Variants in AAMDC observed in about 807,000 individuals in gnomAD.
AAMDC encodes adipogenesis associated Mth938 domain containing.
In AAMDC, 16 loss-of-function variants were observed where a neutral mutation model predicts 15.5. The observed-to-expected ratio is 1.03, with a 90% CI of 0.70 to 1.57. The LOEUF (loss-of-function observed/expected upper bound fraction) is 1.57. Ranked by LOEUF, AAMDC falls within the 40% of genes most tolerant of loss-of-function variation. The pLI, the probability that AAMDC is intolerant of heterozygous loss-of-function variation, is 0.00. For missense variants in AAMDC, 141 were observed against 144.9 expected (o/e 0.97, Z 0.14); for synonymous variants, 51 against 51.6 (o/e 0.99, Z 0.05).
intron 5 of AAMDC, among the ~76,000 whole-genome samples, chr11:77,880,330 G>A (rs955498530): frequency 2.6e-5 from 4 of 152,128 alleles, no homozygotes; most frequent in African/African-American, 9.7e-5. Context: ...CTGGATTGCT[G>A]TCCTCCAGGA....
chr11:77,860,045 A>C (rs1391248082), intron 2 of AAMDC, among the ~76,000 whole-genome samples: 1 of 152,180 alleles, frequency 6.6e-6, no homozygotes, highest in African/African-American at 2.4e-5. Context: ...TTGCCACTAC[A>C]TCAGTTTTCT....
At chr11:77,877,903 A>G (rs928728076) in intron 5 of AAMDC, among the ~76,000 whole-genome samples, 2 of 152,138 alleles carry the variant, frequency 1.3e-5, no homozygotes, top group East Asian at 3.9e-4. Flanking sequence ...AAAACTTTTA[A>G]CTCACATGCA....
downstream of AAMDC, among the ~76,000 whole-genome samples, chr11:77,874,395 A>T (rs189553045): frequency 9.3e-5 from 14 of 150,468 alleles, no homozygotes; most frequent in East Asian, 2.7e-3. Flanking sequence ...TTTTGGTCAA[A>T]TGTAAGGTGA....
intron 5 of AAMDC, chr11:77,879,066 T>A: frequency 6.2e-7 from 1 of 1,614,162 alleles, no homozygotes; most frequent in Non-Finnish European, 8.5e-7. Context: ...TCCAGGGGCA[T>A]TTTGGAATGC....
At chr11:77,853,992 TC>T (rs1950505792) in intron 2 of AAMDC, among the ~76,000 whole-genome samples, 1 of 56,946 alleles carries the variant, frequency 1.8e-5, no homozygotes, top group South Asian at 8.2e-4. Flanking sequence ...TCCTCCAAAT[TC>T]TTTTTTTTTT....
At chr11:77,826,672 C>G (rs865961275) in intron 1 of AAMDC, among the ~76,000 whole-genome samples, 12 of 152,204 alleles carry the variant, frequency 7.9e-5, no homozygotes, top group African/African-American at 2.7e-4. Flanking sequence ...ACCTTTGAAA[C>G]AGACACACCA....
At chr11:77,828,762 G>A (rs1045808184) in intron 1 of AAMDC, among the ~76,000 whole-genome samples, 1 of 152,028 alleles carries the variant, frequency 6.6e-6, no homozygotes, top group African/African-American at 2.4e-5. Context: ...TTCATGGATT[G>A]GAAGATTTAA....
At chr11:77,877,143 G>C (rs1187537024), downstream of AAMDC, 5 of 653,972 alleles carry the variant, frequency 7.6e-6, no homozygotes, top group Non-Finnish European at 1.4e-5. Context: ...AGACTGCCTG[G>C]AAATAGACTG....
chr11:77,845,427 C>A (rs1177605013), intron 2 of AAMDC, among the ~76,000 whole-genome samples: 1 of 148,696 alleles, frequency 6.7e-6, no homozygotes, highest in Admixed American at 6.8e-5. Flanking sequence ...ATTTCTTTTT[C>A]TTTTCTTTTT....
intron 5 of AAMDC, chr11:77,894,455 T>A (rs1793336): frequency 3.3e-6 from 2 of 602,100 alleles, no homozygotes; most frequent in Non-Finnish European, 5.9e-6. Context: ...TAGCATATTA[T>A]ACTATAAAAA....
At chr11:77,896,698 A>C (rs1193170021) in intron 5 of AAMDC, among the ~76,000 whole-genome samples, 1 of 151,904 alleles carries the variant, frequency 6.6e-6, no homozygotes, top group Admixed American at 6.6e-5. Context: ...GAATAGAAAA[A>C]CAAAGAAATT....
chr11:77,871,487 C>T (rs934742495), intron 3 of AAMDC, among the ~76,000 whole-genome samples: 13 of 152,104 alleles, frequency 8.5e-5, no homozygotes, highest in East Asian at 1.9e-4. Context: ...TAATAATAAA[C>T]GCAGTGAGGA....
chr11:77,838,771 T>C (rs895799635), intron 1 of AAMDC, among the ~76,000 whole-genome samples: 8 of 151,860 alleles, frequency 5.3e-5, no homozygotes, highest in Non-Finnish European at 1.0e-4. Flanking sequence ...CGCCCACCAC[T>C]GCGCCCAGCT....
At chr11:77,831,635 G>A (rs1298059299) in intron 1 of AAMDC, among the ~76,000 whole-genome samples, 1 of 151,168 alleles carries the variant, frequency 6.6e-6, no homozygotes, top group Non-Finnish European at 1.5e-5. Flanking sequence ...CTTACTATGG[G>A]ATGTAATTTC....
Position 77,852,785 on chromosome 11 carries a change from T to C in AAMDC, c.132+10157T>C, listed in dbSNP as rs192834025. Among the ~76,000 whole-genome samples, 1,171 of 152,264 alleles carry C rather than the reference T, an allele frequency of 7.7e-3. 13 individuals carry two copies. The highest frequency in any genetic ancestry group is 0.026 in the African/African-American group (1,079 of 41,566). On this transcript the variant is annotated intron_variant, in intron 2 of 3. Transcript: ENST00000393427. Reference sequence around the variant, plus strand: ...TTTTTTCTTTTTTTCCCATTTTCCATACGCAAAAGGTAGCATGCCTTACTT... The same window carrying C: ...TTTTTTCTTTTTTTCCCATTTTCCACACGCAAAAGGTAGCATGCCTTACTT...
chr11:77,832,318 C>T (rs530841724), intron 1 of AAMDC, among the ~76,000 whole-genome samples: 5 of 131,254 alleles, frequency 3.8e-5, no homozygotes, highest in African/African-American at 1.6e-4. Context: ...TGAAACTTCA[C>T]AAATAGAGGA....
intron 2 of AAMDC, among the ~76,000 whole-genome samples, chr11:77,854,955 G>A (rs1435487956): frequency 6.6e-6 from 1 of 152,192 alleles, no homozygotes; most frequent in Admixed American, 6.5e-5. Flanking sequence ...AGCCTCAATT[G>A]TCACACTCTG....
Position 77,869,832 on chromosome 11 carries a change from G to T in AAMDC, c.228+15G>T. 6.2e-7 allele frequency: 1 copy of T among 1,610,610 alleles called. No individual in the cohort carries two copies. Among genetic ancestry groups the T allele is most frequent in the Non-Finnish European group, 8.5e-7 (1 of 1,177,140 alleles). ...AGGCCTTGAAGGTAGGTGTTGGTAT[G>T]CACAGCATTCCTGAGGACAGGTGGG... On this transcript the variant is annotated intron_variant, in intron 3 of 3. Coordinates refer to ENST00000393427, the MANE Select transcript of AAMDC (RefSeq NM_024684.4).
chr11:77,831,259 A>G (rs1055068348), intron 1 of AAMDC, among the ~76,000 whole-genome samples: 6 of 152,230 alleles, frequency 3.9e-5, no homozygotes, highest in African/African-American at 1.2e-4. Flanking sequence ...TGGAATTGCA[A>G]AGTTGTGGAT....
Sources: allele counts gnomAD v4.1 joint callset (sites outside exome capture counted in the v4.1 genomes callset), GRCh38; gene constraint gnomAD v4.1.1; transcripts MANE v1.5; gene names NCBI Gene and HGNC (gene_info 2026-07-23, HGNC 2026-07-21).